The following RPSA variants were observed in gnomAD, a reference collection of about 807,000 sequenced individuals.
RPSA encodes the protein ribosomal protein SA, also known as small ribosomal subunit protein uS2.
For missense variants in RPSA, 140 were observed against 372.8 expected, an observed-to-expected ratio of 0.38 and a Z score of 5.14; for synonymous variants, 103 against 126.7, an observed-to-expected ratio of 0.81 and a Z score of 1.25.
rs961062099 is a variant in RPSA, at chr3:39,407,739, A to G, written c.86A>G (p.Asn29Ser). 1.9e-6 allele frequency: 3 copies of G among 1,597,488 alleles called. No individual in the cohort carries two copies. Among genetic ancestry groups the G allele is most frequent in the South Asian group, 1.1e-5 (1 of 91,080 alleles). Residue 29 changes from asparagine (N) to serine (S), a missense_variant, in exon 2 of 7, where the codon AAT becomes AGT. Coordinates refer to ENST00000301821, the MANE Select transcript of RPSA (RefSeq NM_002295.6). Reference sequence around the variant, plus strand: ...GCAGGAACCCACTTAGGTGGCACCAATCTTGACTTCCAGATGGAACAGTAC... The same window carrying G: ...GCAGGAACCCACTTAGGTGGCACCAGTCTTGACTTCCAGATGGAACAGTAC... ...LAAGTHLGGT[N>S]LDFQMEQYIY...
chr3:39,409,980 C>T (rs1489126121), intron 3 of RPSA, among the ~76,000 whole-genome samples: 1 of 152,092 alleles, frequency 6.6e-6, no homozygotes, highest in African/African-American at 2.4e-5. Flanking sequence ...TTAACAAAAA[C>T]GAGCTGGGTG....
rs779211109 is a variant in RPSA at position 39,411,966 on chromosome 3, C to T, written c.698C>T (p.Ala233Val). 6.2e-7 allele frequency: 1 copy of T among 1,601,028 alleles called. No individual in the cohort carries two copies. The highest frequency in any genetic ancestry group is 8.5e-7 in the Non-Finnish European group (1 of 1,179,936). The change falls in exon 6 of 7, where the codon GCT becomes GTT. Residue 233 changes from alanine to valine, a missense_variant. Physicochemically the swap from Ala to Val is moderately conservative, Grantham distance 64 (BLOSUM62 0). Coordinates refer to ENST00000301821, the MANE Select transcript of RPSA (RefSeq NM_002295.6). ...TKEEFQGEWT[A>V]PAPEFTATQP... is the part of the protein sequence containing the mutation. Reference sequence around the variant, plus strand: ...GAGGAATTTCAGGGTGAATGGACTGCTCCCGCTCCTGAGTTCACTGCTACT... The same window carrying T: ...GAGGAATTTCAGGGTGAATGGACTGTTCCCGCTCCTGAGTTCACTGCTACT...
chr3:39,408,496 C>A, intron 2 of RPSA, 110 bp from the exon 3 acceptor site: 1 of 793,324 alleles, frequency 1.3e-6, no homozygotes, highest in Non-Finnish European at 2.3e-6. Context: ...ACCAGTAGAG[C>A]TTGCCTCTAT....
In RPSA at chr3:39,407,604, T is replaced by C; in HGVS notation, c.-33-17T>C. ...ACTCAATGGAATGAAAAGAAATAGGTTGCTCTCTTATTTCAGATTCCCGTC... is the reference window on the plus strand; with the variant it reads ...ACTCAATGGAATGAAAAGAAATAGGCTGCTCTCTTATTTCAGATTCCCGTC... On this transcript the variant is annotated splice_polypyrimidine_tract_variant and intron_variant, in intron 1 of 6. Transcript: ENST00000301821. The C allele has an allele frequency of 2.5e-6, 4 of 1,575,948 alleles. No homozygotes were observed. Among genetic ancestry groups the C allele is most frequent in the Non-Finnish European group, 3.4e-6 (4 of 1,160,748 alleles).
At chr3:39,408,053 C>T (rs889303540) in intron 2 of RPSA, 8 of 441,340 alleles carry the variant, frequency 1.8e-5, no homozygotes, top group Middle Eastern at 6.8e-4. Context: ...TCTAATAGCT[C>T]GCATAGTGCC....
chr3:39,407,946 GAGAA>G (rs1301677275), intron 2 of RPSA, 160 bp downstream of exon 2: 1 of 619,490 alleles, frequency 1.6e-6, no homozygotes, highest in African/African-American at 1.9e-5. Context: ...TTGTTATTGA[GAGAA>G]AAGATTTCTG....
rs746723530 is a variant in RPSA at position 39,411,006 on chromosome 3, A to G, written c.498+7A>G. 8 of 1,599,670 alleles carry G rather than the reference A, an allele frequency of 5.0e-6. No homozygotes were observed. The South Asian group carries it at 8.8e-5, about 18-fold the overall frequency. ...CATCCCATGCAACAACAAGGTAATGATTTTAGGATCTAGAGTTTGTGAATG... is the reference window on the plus strand; with the variant it reads ...CATCCCATGCAACAACAAGGTAATGGTTTTAGGATCTAGAGTTTGTGAATG... On this transcript the variant is annotated splice_region_variant and intron_variant, in intron 4 of 6. Coordinates refer to ENST00000301821, the MANE Select transcript of RPSA (RefSeq NM_002295.6).
At chr3:39,409,246 T>G (rs2041969294) in intron 3 of RPSA, among the ~76,000 whole-genome samples, 2 of 141,316 alleles carry the variant, frequency 1.4e-5, no homozygotes, top group Non-Finnish European at 1.5e-5. Context: ...CTGTTGTCCA[T>G]CCTGGACTGC....
In RPSA at chr3:39,408,702, T is replaced by C. The variant is rs893556660; in HGVS notation, c.230T>C (p.Ile77Thr). 1.4e-5 allele frequency: 22 copies of C among 1,597,858 alleles called. No individual in the cohort carries two copies. The highest frequency in any genetic ancestry group is 6.7e-5 in the African/African-American group (5 of 74,628). ...GAAAACCCTGCTGATGTCAGTGTTATATCCTCCAGGAATACTGGCCAGGTT... is the reference window on the plus strand; with the variant it reads ...GAAAACCCTGCTGATGTCAGTGTTACATCCTCCAGGAATACTGGCCAGGTT... ...AIENPADVSV[I>T]SSRNTGQRAV... is the part of the protein sequence containing the mutation. Residue 77 changes from isoleucine (I) to threonine (T), a missense_variant, in exon 3 of 7, where the codon ATA becomes ACA. By Grantham distance (89) the Ile-to-Thr change is moderately conservative. Transcript: ENST00000301821.
intron 2 of RPSA, 138 bp downstream of exon 2, chr3:39,407,924 AAATAAAT>A: frequency 1.5e-6 from 1 of 647,268 alleles, no homozygotes; most frequent in Non-Finnish European, 2.6e-6. Flanking sequence ...AACATACTTT[AAATAAAT>A]GTTCTTGTTA....
At chr3:39,408,139 CA>C in intron 2 of RPSA, 1 of 369,766 alleles carries the variant, frequency 2.7e-6, no homozygotes, top group South Asian at 2.3e-5. Context: ...TGGGAATGAA[CA>C]ATATGGTTTG....
chr3:39,411,526 C>A lies in RPSA; in HGVS notation c.499-123C>A, dbSNP rs1195939336. On this transcript the variant is annotated intron_variant, in intron 4 of 6. Coordinates refer to ENST00000301821, the MANE Select transcript of RPSA (RefSeq NM_002295.6). ...TCCCTATTTATAATGCTCCCTGTTA[C>A]AATTGCTTTTCAACTAAGAGATGTC... 1.8e-5 allele frequency: 18 copies of A among 993,754 alleles called. No individual in the cohort carries two copies. In the East Asian group the frequency reaches 3.2e-4, roughly 17 times the overall value. 61.6% of individuals were successfully genotyped at this position (993,754 alleles called of 1,614,324 possible).
intron 1 of RPSA, 32 bp from the exon 2 acceptor site, chr3:39,407,589 A>G (rs2041938347): frequency 6.5e-7 from 1 of 1,532,788 alleles, no homozygotes. Flanking sequence ...ACTCAATGGA[A>G]TGAAAAGAAA....
intron 6 of RPSA, 92 bp from the exon 7 acceptor site, chr3:39,412,182 C>T (rs2042015139): frequency 1.5e-6 from 2 of 1,323,144 alleles, no homozygotes; most frequent in East Asian, 2.3e-5. Flanking sequence ...CAGTGTGCTA[C>T]AGCATCTGAT....
At chr3:39,410,724 G>A (rs778616974) in intron 3 of RPSA, 30 bp from the exon 4 acceptor site, 10 of 1,613,618 alleles carry the variant, frequency 6.2e-6, no homozygotes, top group South Asian at 3.3e-5. Flanking sequence ...GTGGAATATC[G>A]AGTACCACTA....
intron 3 of RPSA, 110 bp from the exon 4 acceptor site, chr3:39,410,644 T>G: frequency 8.0e-7 from 1 of 1,243,748 alleles, no homozygotes; most frequent in South Asian, 1.2e-5. Context: ...ATGTGCCTGC[T>G]TTACATGGAG....
chr3:39,412,117 TTCTAACTTTAATGA>T, intron 6 of RPSA, 56 bp downstream of exon 6: 1 of 1,543,878 alleles, frequency 6.5e-7, no homozygotes, highest in Non-Finnish European at 8.9e-7. Context: ...CTCAGTTTTA[TTCTAACTTTAATGA>T]TCTCTGTGAC....
chr3:39,406,796 C>T (rs1380786837), intron 1 of RPSA, 32 bp downstream of exon 1: 6 of 450,924 alleles, frequency 1.3e-5, no homozygotes, highest in Non-Finnish European at 2.7e-5. Context: ...TGGCGCCTTC[C>T]AGGGCTAGAA....
At chr3:39,407,521 A>G in intron 1 of RPSA, 100 bp from the exon 2 acceptor site, 2 of 859,912 alleles carry the variant, frequency 2.3e-6, no homozygotes, top group South Asian at 2.6e-5. Context: ...TGTAAGCTCA[A>G]TGCCTGACAC....
Sources: allele counts gnomAD v4.1 joint callset (sites outside exome capture counted in the v4.1 genomes callset), GRCh38; gene constraint gnomAD v4.1.1; transcripts MANE v1.5; gene names NCBI Gene and HGNC (gene_info 2026-07-23, HGNC 2026-07-21).